Variants in ZNF423 observed in about 807,000 individuals in gnomAD.
ZNF423 encodes the protein zinc finger protein 423, also known as Ebf-associated zinc finger protein.
ZNF423 carries 12 observed loss-of-function variants against 95.8 expected under a neutral mutation model. The observed-to-expected ratio is 0.13, with a 90% CI of 0.08 to 0.20. The LOEUF is 0.20. Ranked by LOEUF, ZNF423 falls within the 10% of genes least tolerant of loss-of-function variation. The pLI is 1.00. For synonymous variants in ZNF423, 749 were observed against 711.9 expected (o/e 1.05, Z -0.83); for missense variants, 1,316 against 1,737.1 (o/e 0.76, Z 4.31).
chr16:49,630,302 C>A (rs2151872387), intron 4 of ZNF423, among the ~76,000 whole-genome samples: 1 of 152,304 alleles, frequency 6.6e-6, no homozygotes, highest in Middle Eastern at 3.4e-3. Flanking sequence ...TGGAGATGAA[C>A]CACCTCGGGT....
In ZNF423 at chr16:49,614,680, TG is replaced by T. The variant is rs528746590; in HGVS notation, c.3601+11489del. 4.6e-5 allele frequency among the ~76,000 whole-genome samples: 7 copies of T among 152,350 alleles called. No homozygotes were observed. In the East Asian group the frequency reaches 1.4e-3, roughly 29 times the overall value. ...TGGATGTGATATTGTACTCTAGTTTTGCAAGATGTTACTGTTGGGAGAAACT... is the reference window on the plus strand; with the variant it reads ...TGGATGTGATATTGTACTCTAGTTTTCAAGATGTTACTGTTGGGAGAAACT... On this transcript the variant is annotated intron_variant, in intron 5 of 7. Coordinates refer to ENST00000563137, the MANE Select transcript of ZNF423 (RefSeq NM_001379286.1).
chr16:49,605,682 G>A (rs1241171856), intron 5 of ZNF423, among the ~76,000 whole-genome samples: 1 of 152,240 alleles, frequency 6.6e-6, no homozygotes, highest in Non-Finnish European at 1.5e-5. Context: ...AAGACTGTGA[G>A]CTGGGCGAGG....
At position 49,549,890 on chromosome 16, in the gene ZNF423, T is replaced by C. The variant is rs1037243183; in HGVS notation, c.3602-24396A>G. The stretch of plus-strand genomic sequence containing the variant: ...TTTGTTTTTTCCTTCTTTTTTTTTT[T>C]AGACACAGGTCTCATTCTGCTTCCC... On this transcript the variant is annotated intron_variant, in intron 5 of 7. Coordinates refer to ENST00000563137, the MANE Select transcript of ZNF423 (RefSeq NM_001379286.1). Among the ~76,000 whole-genome samples, 3 of 152,072 alleles carry C rather than the reference T, an allele frequency of 2.0e-5. No individual in the cohort carries two copies. The East Asian group carries it at 5.8e-4, about 29-fold the overall frequency.
At chr16:49,712,483 G>A (rs1365891315) in intron 3 of ZNF423, among the ~76,000 whole-genome samples, 1 of 152,246 alleles carries the variant, frequency 6.6e-6, no homozygotes, top group African/African-American at 2.4e-5. Flanking sequence ...CTCAGGGGCT[G>A]AGGGTTGGCC....
At chr16:49,654,193 A>C (rs377314412) in intron 3 of ZNF423, among the ~76,000 whole-genome samples, 28 of 152,308 alleles carry the variant, frequency 1.8e-4, no homozygotes, top group Non-Finnish European at 8.8e-5. Context: ...ATGTATACCG[A>C]GCATGCCTCA....
intron 2 of ZNF423, among the ~76,000 whole-genome samples, chr16:49,763,383 A>G (rs534093576): frequency 6.6e-6 from 1 of 152,092 alleles, no homozygotes; most frequent in South Asian, 2.1e-4. Flanking sequence ...GGCTCACATA[A>G]TCCACCCACC....
At chr16:49,849,298 TA>T (rs2035277350) in intron 1 of ZNF423, among the ~76,000 whole-genome samples, 1 of 152,132 alleles carries the variant, frequency 6.6e-6, no homozygotes, top group Admixed American at 6.5e-5. Context: ...CAAATGCCTA[TA>T]AATCTTCTGT....
intron 2 of ZNF423, among the ~76,000 whole-genome samples, chr16:49,748,598 G>GC (rs982505707): frequency 1.3e-5 from 2 of 152,212 alleles, no homozygotes; most frequent in Non-Finnish European, 2.9e-5. Flanking sequence ...GTAGCTGGTT[G>GC]CTAAGAAATC....
At chr16:49,628,459 A>G (rs1372073106) in intron 4 of ZNF423, among the ~76,000 whole-genome samples, 2 of 151,532 alleles carry the variant, frequency 1.3e-5, no homozygotes, top group South Asian at 4.2e-4. Flanking sequence ...TTCACCCATC[A>G]GTCTATCCAT....
At chr16:49,506,878 T>C (rs1050668307) in intron 7 of ZNF423, among the ~76,000 whole-genome samples, 4 of 151,794 alleles carry the variant, frequency 2.6e-5, no homozygotes, top group African/African-American at 4.8e-5. Flanking sequence ...AGTGGATGGA[T>C]GAGTAGATGG....
rs1968596103 is a variant in ZNF423 at position 49,526,103 on chromosome 16, G to A, written c.3602-609C>T. 2.0e-5 allele frequency among the ~76,000 whole-genome samples: 3 copies of A among 152,144 alleles called. No individual in the cohort carries two copies. In the South Asian group the frequency reaches 6.2e-4, roughly 32 times the overall value. ...AGGTGGGTCCATGCCATGCTGGACA[G>A]GCTTGAAGCCCAGCATGGGAACACA... On this transcript the variant is annotated intron_variant, in intron 5 of 7. Coordinates refer to ENST00000563137, the MANE Select transcript of ZNF423 (RefSeq NM_001379286.1).
At chr16:49,794,230 G>GTTTTTTTTTT (rs1448546355) in intron 1 of ZNF423, among the ~76,000 whole-genome samples, 1 of 114,802 alleles carries the variant, frequency 8.7e-6, no homozygotes, top group African/African-American at 3.2e-5. Context: ...GTTTGTTTTT[G>GTTTTTTTTTT]TTTTTGTTTT....
chr16:49,603,066 C>T lies in ZNF423; in HGVS notation c.3601+23104G>A, dbSNP rs11642221. On this transcript the variant is annotated intron_variant, in intron 5 of 7. Coordinates refer to ENST00000563137, the MANE Select transcript of ZNF423 (RefSeq NM_001379286.1). The surrounding 1 kb of genome is among the most constrained non-coding windows in gnomAD (Gnocchi z 4.1). ...AAGGGAGGATGGGAGGAGGAGGTTC[C>T]GAAACACTGGTGCGAGAAAAGGGTC... Among the ~76,000 whole-genome samples the T allele has an allele frequency of 0.026, 4,011 of 152,196 alleles. 94 individuals are homozygous for T. The highest frequency in any genetic ancestry group is 0.044 in the Non-Finnish European group (3,002 of 68,000).
intron 5 of ZNF423, among the ~76,000 whole-genome samples, chr16:49,595,014 GT>G (rs1971137644): frequency 1.3e-5 from 2 of 152,182 alleles, no homozygotes; most frequent in Admixed American, 1.3e-4. Flanking sequence ...CCTCTTTCTT[GT>G]TTTGGTCCTT....
intron 5 of ZNF423, among the ~76,000 whole-genome samples, chr16:49,590,051 T>TATATATATATATATATATATA (rs879296139): frequency 3.5e-4 from 47 of 134,048 alleles, no homozygotes; most frequent in South Asian, 1.1e-3. Context: ...TATATATATA[T>TATATATATATATATATATATA]TTGGTCCATA....
chr16:49,836,878 G>A (rs1013757511), intron 1 of ZNF423, among the ~76,000 whole-genome samples: 1 of 152,196 alleles, frequency 6.6e-6, no homozygotes, highest in African/African-American at 2.4e-5. Context: ...ACACGTCCCA[G>A]TAGGAAAATG....
At chr16:49,624,712 A>C (rs1298918626) in intron 5 of ZNF423, among the ~76,000 whole-genome samples, 3 of 152,218 alleles carry the variant, frequency 2.0e-5, no homozygotes, top group African/African-American at 7.2e-5. Flanking sequence ...CTCTAACTAG[A>C]GGCAATAATG....
In ZNF423 at chr16:49,637,287, G is replaced by A. The variant is rs1350829091; in HGVS notation, c.1889C>T (p.Ala630Val). Residue 630 changes from alanine to valine, a missense_variant, in exon 4 of 8, where the codon GCA (alanine) becomes GTA (valine). Transcript: ENST00000563137. The surrounding 1 kb of genome is among the most constrained non-coding windows in gnomAD (Gnocchi z 5.6). ...VSSPKRQRLSASANSISNGEY... is the reference protein window; with the variant it reads ...VSSPKRQRLSVSANSISNGEY... ...CCCATTGGAGATGGAGTTGGCGCTT[G>A]CTGAGAGCCGCTGCCGCTTCGGGGA... is the stretch of plus-strand genomic sequence containing the variant. 6.2e-7 allele frequency: 1 copy of A among 1,614,118 alleles called. No individual in the cohort carries two copies. The highest frequency in any genetic ancestry group is 8.5e-7 in the Non-Finnish European group (1 of 1,180,052).
At chr16:49,560,655 A>G (rs1476254700) in intron 5 of ZNF423, among the ~76,000 whole-genome samples, 2 of 152,210 alleles carry the variant, frequency 1.3e-5, no homozygotes, top group Non-Finnish European at 2.9e-5. Flanking sequence ...CAAGCCATCC[A>G]GGGACCTTAT....
Sources: allele counts gnomAD v4.1 joint callset (sites outside exome capture counted in the v4.1 genomes callset), GRCh38; gene constraint gnomAD v4.1.1; non-coding constraint Gnocchi (gnomAD v3.1); transcripts MANE v1.5; gene names NCBI Gene and HGNC (gene_info 2026-07-23, HGNC 2026-07-21).